The following CLIC5 variants were observed in gnomAD, a reference collection of about 807,000 sequenced individuals.
CLIC5 encodes the protein CLIC family member 5.
Under a neutral mutation model 24.7 loss-of-function variants are expected in CLIC5, and 20 were observed. The observed-to-expected ratio is 0.81, with a 90% confidence interval of 0.57 to 1.18. CLIC5 has a LOEUF of 1.18. Ranked by LOEUF, CLIC5 falls within the 50% of genes most tolerant of loss-of-function variation. The pLI is 0.00. For synonymous variants in CLIC5, 159 were observed against 135.6 expected, an observed-to-expected ratio of 1.17 and a Z score of -1.20; for missense variants, 341 against 326.1, an observed-to-expected ratio of 1.05 and a Z score of -0.35.
At chr6:46,058,372 A>G (rs1042346233) in intron 1 of CLIC5, among the ~76,000 whole-genome samples, 10 of 152,226 alleles carry the variant, frequency 6.6e-5, no homozygotes, top group Admixed American at 1.3e-4. Context: ...ATCATACCAC[A>G]TTCTATAAAT....
At chr6:45,986,861 ATG>A (rs1765761607) in intron 1 of CLIC5, among the ~76,000 whole-genome samples, 1 of 152,222 alleles carries the variant, frequency 6.6e-6, no homozygotes. Context: ...GAGGCAGTAA[ATG>A]TGACCTTGCC....
At chr6:46,068,421 A>T (rs2127473457) in intron 1 of CLIC5, among the ~76,000 whole-genome samples, 1 of 152,202 alleles carries the variant, frequency 6.6e-6, no homozygotes, top group Non-Finnish European at 1.5e-5. Flanking sequence ...CCTGGGGGTA[A>T]CTTATTTCCT....
the CLIC5 span, among the ~76,000 whole-genome samples, chr6:46,096,590 G>C: frequency 6.6e-6 from 1 of 152,158 alleles, no homozygotes; most frequent in Admixed American, 6.5e-5. Flanking sequence ...TAGCTGCTTG[G>C]TGTCCTTATG....
chr6:45,963,983 T>G (rs911957386), intron 1 of CLIC5, among the ~76,000 whole-genome samples: 4 of 152,220 alleles, frequency 2.6e-5, no homozygotes, highest in African/African-American at 9.6e-5. Flanking sequence ...CAGAAACCTG[T>G]AAGTACTCAA....
chr6:45,990,091 G>T (rs1430129870), intron 1 of CLIC5, among the ~76,000 whole-genome samples: 2 of 152,198 alleles, frequency 1.3e-5, no homozygotes, highest in African/African-American at 4.8e-5. Flanking sequence ...CATCTGGAAA[G>T]TTGGGTCATG....
At chr6:45,893,970 C>T (rs555549334), downstream of CLIC5, among the ~76,000 whole-genome samples, 4 of 152,302 alleles carry the variant, frequency 2.6e-5, no homozygotes, top group Non-Finnish European at 5.9e-5. Flanking sequence ...CCACAAGAAC[C>T]AGTTCATACT....
At chr6:45,942,185 A>T (rs1276683020) in intron 3 of CLIC5, among the ~76,000 whole-genome samples, 3 of 152,206 alleles carry the variant, frequency 2.0e-5, no homozygotes, top group Non-Finnish European at 4.4e-5. Flanking sequence ...ATGCCCTTAC[A>T]TGCTTATTAT....
chr6:46,113,061 A>G, the CLIC5 span, among the ~76,000 whole-genome samples: 1 of 152,136 alleles, frequency 6.6e-6, no homozygotes, highest in South Asian at 2.1e-4. Flanking sequence ...GTCTCAAAAA[A>G]CAAAAAGAAT....
At chr6:45,941,181 G>T (rs1240470225) in intron 4 of CLIC5, among the ~76,000 whole-genome samples, 1 of 152,190 alleles carries the variant, frequency 6.6e-6, no homozygotes, top group Non-Finnish European at 1.5e-5. Flanking sequence ...GGAATATGTT[G>T]CTCTAATGTG....
At chr6:46,120,723 A>G in the CLIC5 span, among the ~76,000 whole-genome samples, 2 of 152,244 alleles carry the variant, frequency 1.3e-5, no homozygotes, top group Admixed American at 1.3e-4. Context: ...TAACCAATGC[A>G]GAGAAGTCCT....
At chr6:46,102,621 T>C in the CLIC5 span, 47 of 152,908 alleles carry the variant, frequency 3.1e-4, no homozygotes, top group African/African-American at 1.1e-3. Flanking sequence ...TTCAGTGTAA[T>C]GTTTCCTGCT....
At chr6:46,047,314 C>A (rs1299319233) in intron 1 of CLIC5, among the ~76,000 whole-genome samples, 2 of 152,156 alleles carry the variant, frequency 1.3e-5, no homozygotes, top group African/African-American at 4.8e-5. Context: ...GAAGAGCTGG[C>A]CTTCAGTAAT....
intron 1 of CLIC5, among the ~76,000 whole-genome samples, chr6:45,973,485 GT>G (rs1039210556): frequency 2.6e-5 from 4 of 151,652 alleles, no homozygotes; most frequent in African/African-American, 9.7e-5. Context: ...AGAGAAATGT[GT>G]TTTTTTGTGG....
At chr6:46,101,467 C>T in the CLIC5 span, among the ~76,000 whole-genome samples, 2 of 152,194 alleles carry the variant, frequency 1.3e-5, no homozygotes, top group Non-Finnish European at 2.9e-5. Flanking sequence ...TTCAGATGAA[C>T]TGAGCAGAGG....
At chr6:46,042,267 T>C (rs1303334270) in intron 1 of CLIC5, among the ~76,000 whole-genome samples, 2 of 152,214 alleles carry the variant, frequency 1.3e-5, no homozygotes, top group Non-Finnish European at 2.9e-5. Flanking sequence ...ATTAAAAAGG[T>C]TGTATTTCTG....
chr6:46,006,283 T>C (rs1766579329), intron 1 of CLIC5, among the ~76,000 whole-genome samples: 1 of 151,320 alleles, frequency 6.6e-6, no homozygotes, highest in Admixed American at 6.6e-5. Context: ...TAGCTGGGAT[T>C]ACAGGCATGC....
the CLIC5 span, among the ~76,000 whole-genome samples, chr6:46,098,880 T>C: frequency 6.6e-6 from 1 of 152,194 alleles, no homozygotes; most frequent in East Asian, 1.9e-4. Context: ...ATGCCGATTG[T>C]TCTTTGTTTG....
At chr6:46,036,148 C>T (rs559851761) in intron 1 of CLIC5, among the ~76,000 whole-genome samples, 35 of 152,232 alleles carry the variant, frequency 2.3e-4, no homozygotes, top group South Asian at 6.2e-4. Flanking sequence ...CTTCTCTTAA[C>T]GATCTTTCAA....
chr6:45,910,655 G>A (rs1762790536), intron 5 of CLIC5, among the ~76,000 whole-genome samples: 1 of 152,134 alleles, frequency 6.6e-6, no homozygotes, highest in African/African-American at 2.4e-5. Flanking sequence ...AAAGCAATGG[G>A]TCGGTCTACT....
Sources: allele counts gnomAD v4.1 joint callset (sites outside exome capture counted in the v4.1 genomes callset), GRCh38; gene constraint gnomAD v4.1.1; transcripts MANE v1.5; gene names NCBI Gene and HGNC (gene_info 2026-07-23, HGNC 2026-07-21).